Variants in GRID2 observed in about 807,000 individuals in gnomAD.
GRID2 encodes the protein glutamate ionotropic receptor delta type subunit 2.
In GRID2, 33 loss-of-function variants were observed where a neutral mutation model predicts 114.8. The observed-to-expected ratio is 0.29, with a 90% CI of 0.22 to 0.38. GRID2 has a LOEUF of 0.38. Ranked by LOEUF, GRID2 falls within the 10% of genes least tolerant of loss-of-function variation. The pLI, the probability that GRID2 is intolerant of heterozygous loss-of-function variation, is 1.00. For missense variants in GRID2, 1,184 were observed against 1,257.7 expected, an observed-to-expected ratio of 0.94 and a Z score of 0.89; for synonymous variants, 505 against 449.9, an observed-to-expected ratio of 1.12 and a Z score of -1.55.
intron 2 of GRID2, among the ~76,000 whole-genome samples, chr4:92,726,917 C>G (rs979360562): frequency 2.6e-5 from 4 of 151,960 alleles, no homozygotes; most frequent in Non-Finnish European, 5.9e-5. Context: ...AAATGGTCAT[C>G]ATAAATTAGA....
chr4:92,619,962 G>A (rs544706479), intron 2 of GRID2, among the ~76,000 whole-genome samples: 1 of 151,620 alleles, frequency 6.6e-6, no homozygotes, highest in Non-Finnish European at 1.5e-5. Context: ...TATGGAATAA[G>A]TGTCATTGTA....
intron 2 of GRID2, among the ~76,000 whole-genome samples, chr4:93,084,040 C>G (rs894070578): frequency 4.0e-5 from 6 of 151,890 alleles, no homozygotes; most frequent in Non-Finnish European, 8.8e-5. Context: ...AATGTTATAC[C>G]TAGAATGCCT....
intron 2 of GRID2, among the ~76,000 whole-genome samples, chr4:92,896,425 C>T (rs1047506593): frequency 1.6e-4 from 24 of 151,910 alleles, no homozygotes; most frequent in Non-Finnish European, 2.5e-4. Flanking sequence ...CACTTTATCT[C>T]GAAAAATAAA....
At chr4:93,286,715 G>GTGTA (rs1753207328) in intron 8 of GRID2, among the ~76,000 whole-genome samples, 1 of 149,902 alleles carries the variant, frequency 6.7e-6, no homozygotes, top group African/African-American at 2.5e-5. Flanking sequence ...GTGTGTGTGT[G>GTGTA]TGTGTATGTT....
chr4:93,475,401 T>G (rs982427930), intron 11 of GRID2, among the ~76,000 whole-genome samples: 1 of 152,114 alleles, frequency 6.6e-6, no homozygotes, highest in Non-Finnish European at 1.5e-5. Flanking sequence ...TGTTAAATGA[T>G]TCCCTTTTTC....
At chr4:92,510,271 A>T (rs1724181097) in intron 1 of GRID2, among the ~76,000 whole-genome samples, 1 of 151,962 alleles carries the variant, frequency 6.6e-6, no homozygotes, top group Non-Finnish European at 1.5e-5. Context: ...GAACCAGTAC[A>T]ATGGATTTGT....
At chr4:93,318,891 TA>T (rs778104276) in intron 8 of GRID2, 10 of 152,278 alleles carry the variant, frequency 6.6e-5, no homozygotes, top group Non-Finnish European at 1.2e-4. Flanking sequence ...AAGCAAGATA[TA>T]AAAAATTAGG....
intron 4 of GRID2, among the ~76,000 whole-genome samples, chr4:93,177,845 A>G (rs982309343): frequency 1.3e-5 from 2 of 152,160 alleles, no homozygotes; most frequent in East Asian, 1.9e-4. Flanking sequence ...CAAACATTTT[A>G]TAAGTACAGC....
intron 1 of GRID2, among the ~76,000 whole-genome samples, chr4:92,331,842 A>C (rs1174545116): frequency 6.6e-6 from 1 of 152,222 alleles, no homozygotes; most frequent in Non-Finnish European, 1.5e-5. Flanking sequence ...TAGAGGCAGG[A>C]ACACCTGCTG....
At chr4:92,350,955 A>G (rs1728036984) in intron 1 of GRID2, among the ~76,000 whole-genome samples, 1 of 151,828 alleles carries the variant, frequency 6.6e-6, no homozygotes, top group Admixed American at 6.6e-5. Flanking sequence ...GGCTTCTTTT[A>G]CTTAGCATAT....
intron 1 of GRID2, among the ~76,000 whole-genome samples, chr4:92,437,462 T>C (rs1732789486): frequency 6.6e-6 from 1 of 152,064 alleles, no homozygotes; most frequent in African/African-American, 2.4e-5. Context: ...GTAGACAGGG[T>C]TTTGCCTTGT....
At chr4:92,349,866 T>C (rs554294089) in intron 1 of GRID2, among the ~76,000 whole-genome samples, 3 of 152,002 alleles carry the variant, frequency 2.0e-5, no homozygotes, top group Admixed American at 2.0e-4. Context: ...CCAAACACTT[T>C]CATAACCACA....
chr4:93,323,669 G>A (rs564841200), intron 8 of GRID2, among the ~76,000 whole-genome samples: 40 of 151,948 alleles, frequency 2.6e-4, no homozygotes, highest in Admixed American at 3.9e-4. Flanking sequence ...TTGATTCTTC[G>A]TGTCCATGAG....
chr4:93,473,145 T>C (rs1725004437), intron 11 of GRID2, among the ~76,000 whole-genome samples: 2 of 152,200 alleles, frequency 1.3e-5, no homozygotes, highest in Non-Finnish European at 2.9e-5. Flanking sequence ...GACTATATTA[T>C]TTGTATGTGT....
chr4:93,386,929 A>T (rs569097113), intron 8 of GRID2, among the ~76,000 whole-genome samples: 30 of 152,284 alleles, frequency 2.0e-4, no homozygotes, highest in African/African-American at 6.7e-4. Context: ...AAATATGTAT[A>T]AAACATGGCT....
intron 1 of GRID2, among the ~76,000 whole-genome samples, chr4:92,437,430 T>C (rs1025872346): frequency 5.9e-5 from 9 of 152,104 alleles, no homozygotes; most frequent in Admixed American, 3.9e-4. Context: ...CAGGCATGCC[T>C]CAAATAGCCC....
chr4:92,401,377 A>G (rs1377660951), intron 1 of GRID2, among the ~76,000 whole-genome samples: 4 of 152,166 alleles, frequency 2.6e-5, no homozygotes, highest in African/African-American at 9.7e-5. Context: ...TAGTGAACCA[A>G]GCATAATGTT....
intron 14 of GRID2, among the ~76,000 whole-genome samples, chr4:93,685,389 GTTCCT>G (rs1161610618): frequency 6.6e-6 from 1 of 152,056 alleles, no homozygotes; most frequent in East Asian, 1.9e-4. Context: ...TCAAAGAGGT[GTTCCT>G]TGACTCCTGG....
chr4:93,351,824 T>A (rs1166807565), intron 8 of GRID2, among the ~76,000 whole-genome samples: 3 of 152,064 alleles, frequency 2.0e-5, no homozygotes, highest in Non-Finnish European at 4.4e-5. Flanking sequence ...TAAATCTAAA[T>A]TTATTTAACT....
Sources: allele counts gnomAD v4.1 joint callset (sites outside exome capture counted in the v4.1 genomes callset), GRCh38; gene constraint gnomAD v4.1.1; transcripts MANE v1.5; gene names NCBI Gene and HGNC (gene_info 2026-07-23, HGNC 2026-07-21).